The following ITGAE variants were observed in gnomAD, a reference collection of about 807,000 sequenced individuals.
The protein encoded by ITGAE is integrin subunit alpha E, also known as integrin alpha-E.
In ITGAE, 99 loss-of-function variants were observed where a neutral mutation model predicts 136.5. The ratio of observed to expected loss-of-function variants is 0.73; its 90% CI spans 0.62 to 0.86. The LOEUF (loss-of-function observed/expected upper bound fraction) is 0.86. ITGAE is among the 40% of genes least tolerant of loss of function. ITGAE has a pLI of 0.00. For missense variants in ITGAE, 1,447 were observed against 1,515.3 expected (o/e 0.95, Z 0.75); for synonymous variants, 613 against 591.8 (o/e 1.04, Z -0.52).
chr17:3,799,847 G>A lies in ITGAE; in HGVS notation c.34+1264C>T, dbSNP rs1180089647. 2.0e-5 allele frequency among the ~76,000 whole-genome samples: 3 copies of A among 152,162 alleles called. No homozygotes were observed. The highest frequency in any genetic ancestry group is 1.9e-4 in the East Asian group (1 of 5,188). On this transcript the variant is annotated intron_variant, in intron 1 of 30. Transcript: ENST00000263087. The surrounding 1 kb of genome is among the most constrained non-coding windows in gnomAD (Gnocchi z 4.1). ...TTTTTGAAATATAAAATATTAGGCC[G>A]GGCAAGGTGGCTCATGCCTGTAGTC...
At position 3,735,999 on chromosome 17, in the gene ITGAE, C is replaced by A. The variant is rs2051451317; in HGVS notation, c.2523-1050G>T. Reference sequence around the variant, plus strand: ...TCTCTACTAAAAATACAAAAAGTAGCCGGGTGTGGTGGCAGGTGCCTGTAA... The same window carrying A: ...TCTCTACTAAAAATACAAAAAGTAGACGGGTGTGGTGGCAGGTGCCTGTAA... On this transcript the variant is annotated intron_variant, in intron 20 of 30. Transcript: ENST00000263087. Among the ~76,000 whole-genome samples, 4 of 152,112 alleles carry A rather than the reference C, an allele frequency of 2.6e-5. No homozygotes were observed. In the South Asian group the frequency reaches 8.3e-4, roughly 32 times the overall value.
intron 17 of ITGAE, among the ~76,000 whole-genome samples, chr17:3,747,553 C>T (rs1349965440): frequency 6.6e-6 from 1 of 150,890 alleles, no homozygotes; most frequent in Non-Finnish European, 1.5e-5. Flanking sequence ...GCGTGATCTG[C>T]CCGCCTTGGC....
chr17:3,729,704 CA>C, intron 23 of ITGAE, 149 bp from the exon 24 acceptor site: 1 of 632,750 alleles, frequency 1.6e-6, no homozygotes, highest in Non-Finnish European at 3.0e-6. Context: ...AAGCAATTCT[CA>C]TGCCTCAGCC....
chr17:3,770,025 A>G (rs1290720329), intron 2 of ITGAE, among the ~76,000 whole-genome samples: 11 of 151,746 alleles, frequency 7.2e-5, no homozygotes, highest in Non-Finnish European at 1.6e-4. Context: ...ATGTTTAACA[A>G]TCTTTTTAAC....
chr17:3,725,433 C>G (rs1445703139), intron 26 of ITGAE: 2 of 1,614,174 alleles, frequency 1.2e-6, no homozygotes, highest in Non-Finnish European at 1.7e-6. Flanking sequence ...CGAAGTGTTT[C>G]AAACAATTGC....
At chr17:3,722,823 A>T (rs1424893931) in intron 28 of ITGAE, among the ~76,000 whole-genome samples, 4 of 152,140 alleles carry the variant, frequency 2.6e-5, no homozygotes, top group Admixed American at 6.6e-5. Flanking sequence ...TAAGCAGGGG[A>T]ATGGCACAAT....
chr17:3,781,997 C>T (rs976137181), intron 1 of ITGAE, among the ~76,000 whole-genome samples: 1 of 151,672 alleles, frequency 6.6e-6, no homozygotes, highest in African/African-American at 2.4e-5. Flanking sequence ...TGGTCTGGGC[C>T]GGGTGCGGTG....
intron 20 of ITGAE, among the ~76,000 whole-genome samples, chr17:3,737,410 G>A (rs1432267302): frequency 6.6e-6 from 1 of 152,184 alleles, no homozygotes; most frequent in East Asian, 1.9e-4. Flanking sequence ...TTAAGGGCAA[G>A]TTCTGAGTTT....
chr17:3,782,851 T>A (rs1170449126), intron 1 of ITGAE, among the ~76,000 whole-genome samples: 3 of 152,206 alleles, frequency 2.0e-5, no homozygotes, highest in African/African-American at 7.2e-5. Context: ...ATATAAGGAA[T>A]GACATTTGAC....
At position 3,753,930 on chromosome 17, in the gene ITGAE, G is replaced by A. The variant is rs2143021208; in HGVS notation, c.1385-5C>T. On this transcript the variant is annotated splice_region_variant and splice_polypyrimidine_tract_variant and intron_variant, in intron 12 of 30. Transcript: ENST00000263087. ...GCAGCACGGCCACAGCGTAACCTGGGGCAAGGGTGGTGTGGCTGTGAACAC... is the reference window on the plus strand; with the variant it reads ...GCAGCACGGCCACAGCGTAACCTGGAGCAAGGGTGGTGTGGCTGTGAACAC... 6.2e-7 allele frequency: 1 copy of A among 1,613,532 alleles called. No homozygotes were observed. Among genetic ancestry groups the A allele is most frequent in the Non-Finnish European group, 8.5e-7 (1 of 1,179,750 alleles).
At chr17:3,762,883 G>A (rs1278251256) in intron 3 of ITGAE, among the ~76,000 whole-genome samples, 1 of 150,148 alleles carries the variant, frequency 6.7e-6, no homozygotes, top group African/African-American at 2.5e-5. Context: ...ACAGGCATGA[G>A]CCACCGTGCC....
At position 3,771,954 on chromosome 17, in the gene ITGAE, C is replaced by A. The variant is rs111710739; in HGVS notation, c.155+5586G>T. Among the ~76,000 whole-genome samples the A allele has an allele frequency of 3.2e-3, 489 of 152,282 alleles. 5 individuals are homozygous for A. The highest frequency in any genetic ancestry group is 0.011 in the African/African-American group (465 of 41,570). On this transcript the variant is annotated intron_variant, in intron 2 of 30. Transcript: ENST00000263087. ...ACTCCCTGAAAACCTCACCACCCCT[C>A]CCGGCTTCAGACCCTCTAGTTCCTC...
intron 1 of ITGAE, among the ~76,000 whole-genome samples, chr17:3,780,452 C>T (rs1014747935): frequency 7.5e-5 from 11 of 146,882 alleles, no homozygotes; most frequent in Admixed American, 4.7e-4. Context: ...CGTGAGCCAC[C>T]GCGCCTGGCC....
chr17:3,789,183 G>A (rs1308270621), intron 1 of ITGAE, among the ~76,000 whole-genome samples: 2 of 152,066 alleles, frequency 1.3e-5, no homozygotes, highest in African/African-American at 4.8e-5. Context: ...GGAAGTTGAG[G>A]CTGCAGTGAG....
chr17:3,748,036 G>A lies in ITGAE; in HGVS notation c.2041C>T (p.Arg681Cys), dbSNP rs754991053. The A allele has an allele frequency of 1.2e-5, 20 of 1,611,822 alleles. No individual in the cohort carries two copies. Among genetic ancestry groups the A allele is most frequent in the Middle Eastern group, 1.7e-4 (1 of 5,920 alleles). The part of the protein sequence containing the change: ...AVVFRSRPVV[R>C]LKVSMAFTPS... ...GTGAAGGCCATGGAGACCTTCAGGC[G>A]AACCACAGGCCGGGAGCTAAACAAG... Residue 681 changes from arginine to cysteine, a missense_variant, in exon 17 of 31, where the codon CGC (arginine) becomes TGC (cysteine). Transcript: ENST00000263087.
chr17:3,721,790 A>C (rs1337212260), intron 28 of ITGAE: 3 of 152,212 alleles, frequency 2.0e-5, no homozygotes, highest in Non-Finnish European at 4.4e-5. Flanking sequence ...TCATGCCTGT[A>C]ATCCCAGCAC....
chr17:3,754,384 G>A (rs539545365), intron 12 of ITGAE, among the ~76,000 whole-genome samples: 1 of 152,234 alleles, frequency 6.6e-6, no homozygotes, highest in Non-Finnish European at 1.5e-5. Flanking sequence ...CGATTCTTGT[G>A]CCTCAGCCTT....
chr17:3,761,584 C>T, intron 4 of ITGAE, 64 bp from the exon 5 acceptor site: 1 of 1,432,304 alleles, frequency 7.0e-7, no homozygotes, highest in East Asian at 2.3e-5. Context: ...GCCACAGCCA[C>T]ATTCTCACCC....
At chr17:3,759,053 A>T (rs1372751409) in intron 8 of ITGAE, among the ~76,000 whole-genome samples, 3 of 148,942 alleles carry the variant, frequency 2.0e-5, no homozygotes, top group Admixed American at 6.8e-5. Flanking sequence ...TGAACCTGGG[A>T]GGCGGAGCTT....
Sources: gnomAD v4.1 joint callset for allele counts (sites outside exome capture counted in the v4.1 genomes callset) on GRCh38, gnomAD v4.1.1 for gene constraint, Gnocchi (gnomAD v3.1) non-coding constraint, MANE v1.5 for transcripts, NCBI Gene and HGNC (gene_info 2026-07-23, HGNC 2026-07-21) for gene names.